Variants in TRAPPC9 observed in about 807,000 individuals in gnomAD.
The protein encoded by TRAPPC9 is IKK2 binding protein.
In TRAPPC9, 83 loss-of-function variants were observed where a neutral mutation model predicts 124.0. The observed-to-expected ratio is 0.67, with a 90% CI of 0.56 to 0.80. TRAPPC9 has a LOEUF of 0.80. Ranked by LOEUF, TRAPPC9 falls within the 30% of genes least tolerant of loss-of-function variation. TRAPPC9 has a pLI of 0.00. For synonymous variants in TRAPPC9, 638 were observed against 617.5 expected, an observed-to-expected ratio of 1.03 and a Z score of -0.49; for missense variants, 1,302 against 1,508.3, an observed-to-expected ratio of 0.86 and a Z score of 2.27.
At chr8:140,023,471 T>G (rs561791759) in intron 18 of TRAPPC9, among the ~76,000 whole-genome samples, 1 of 152,238 alleles carries the variant, frequency 6.6e-6, no homozygotes, top group East Asian at 1.9e-4. Context: ...TGGGCAGAAA[T>G]GACCTGATGC....
chr8:139,961,513 T>C (rs1835371556), intron 19 of TRAPPC9, among the ~76,000 whole-genome samples: 1 of 124,060 alleles, frequency 8.1e-6, no homozygotes, highest in South Asian at 2.7e-4. Flanking sequence ...AAACTGCAGC[T>C]ATGGAGCCAA....
intron 16 of TRAPPC9, among the ~76,000 whole-genome samples, chr8:140,234,213 G>A (rs928966598): frequency 6.6e-6 from 1 of 152,138 alleles, no homozygotes; most frequent in Non-Finnish European, 1.5e-5. Context: ...CATCTAGGTT[G>A]CACGCTCTTC....
chr8:140,085,286 A>G (rs1387856225), intron 17 of TRAPPC9, among the ~76,000 whole-genome samples: 1 of 150,592 alleles, frequency 6.6e-6, no homozygotes, highest in Non-Finnish European at 1.5e-5. Flanking sequence ...CCCTTATTTT[A>G]CACTTTGGGT....
At chr8:140,148,359 C>T (rs2061492868) in intron 17 of TRAPPC9, among the ~76,000 whole-genome samples, 1 of 152,208 alleles carries the variant, frequency 6.6e-6, no homozygotes, top group Non-Finnish European at 1.5e-5. Flanking sequence ...CTAGACTCGG[C>T]TTAGTTAGCT....
At chr8:140,130,318 G>T (rs185729326) in intron 17 of TRAPPC9, among the ~76,000 whole-genome samples, 1 of 152,310 alleles carries the variant, frequency 6.6e-6, no homozygotes, top group African/African-American at 2.4e-5. Flanking sequence ...CTTCACAGTG[G>T]AGAGGCCGGG....
At chr8:140,152,793 C>A (rs1474827568) in intron 17 of TRAPPC9, among the ~76,000 whole-genome samples, 1 of 152,078 alleles carries the variant, frequency 6.6e-6, no homozygotes, top group South Asian at 2.1e-4. Flanking sequence ...TCTTGCAATT[C>A]TTTTTGTTAG....
chr8:139,852,788 G>A (rs973745827), intron 21 of TRAPPC9, among the ~76,000 whole-genome samples: 5 of 152,212 alleles, frequency 3.3e-5, no homozygotes, highest in African/African-American at 9.7e-5. Flanking sequence ...TGGCAGATGT[G>A]TGTTTCTGAT....
At chr8:139,826,525 T>C (rs1392740859) in intron 21 of TRAPPC9, among the ~76,000 whole-genome samples, 1 of 151,950 alleles carries the variant, frequency 6.6e-6, no homozygotes, top group African/African-American at 2.4e-5. Flanking sequence ...AACGCACAAC[T>C]GAATGAAGAG....
intron 16 of TRAPPC9, among the ~76,000 whole-genome samples, chr8:140,239,041 G>C (rs778860878): frequency 1.3e-5 from 2 of 152,308 alleles, no homozygotes; most frequent in Middle Eastern, 3.4e-3. Flanking sequence ...TGGGAAGAGG[G>C]AGCAGGCCCC....
chr8:140,444,533 G>A (rs1441063572), intron 2 of TRAPPC9, among the ~76,000 whole-genome samples: 1 of 152,094 alleles, frequency 6.6e-6, no homozygotes, highest in East Asian at 1.9e-4. Context: ...AGAAGTGGCA[G>A]CTGCACCTAA....
Position 139,929,731 on chromosome 8 carries a change from T to C in TRAPPC9, c.2811-19431A>G, listed in dbSNP as rs556100568. 3.9e-5 allele frequency among the ~76,000 whole-genome samples: 6 copies of C among 152,314 alleles called. No homozygotes were observed. In the East Asian group the frequency reaches 9.7e-4, roughly 25 times the overall value. ...ACCATGGTGCCATGCACCCGACACA[T>C]AGGTGTGTGGGGAGTGGACTCAGGT... On this transcript the variant is annotated intron_variant, in intron 19 of 22. Coordinates refer to ENST00000438773, the MANE Select transcript of TRAPPC9 (RefSeq NM_001160372.4).
chr8:140,213,094 T>C (rs9801913), intron 17 of TRAPPC9, among the ~76,000 whole-genome samples: 1 of 147,244 alleles, frequency 6.8e-6, no homozygotes. Flanking sequence ...AGTTTTTTTG[T>C]TTTTTTGTTT....
intron 20 of TRAPPC9, among the ~76,000 whole-genome samples, chr8:139,897,296 G>A (rs938911413): frequency 1.3e-5 from 2 of 152,180 alleles, no homozygotes; most frequent in Non-Finnish European, 2.9e-5. Flanking sequence ...GAGGTCCAGG[G>A]GCTGGGGCTA....
chr8:140,080,540 G>A (rs539512657), intron 17 of TRAPPC9, among the ~76,000 whole-genome samples: 1 of 152,302 alleles, frequency 6.6e-6, no homozygotes, highest in Non-Finnish European at 1.5e-5. Flanking sequence ...ACGTGCATAA[G>A]GAGTGAGTCT....
intron 21 of TRAPPC9, among the ~76,000 whole-genome samples, chr8:139,773,900 G>A (rs1031522756): frequency 3.9e-5 from 6 of 152,212 alleles, no homozygotes; most frequent in East Asian, 1.9e-4. Flanking sequence ...CTGTTTTCAC[G>A]GCACGCATGT....
intron 8 of TRAPPC9, among the ~76,000 whole-genome samples, chr8:140,362,974 T>C (rs577009456): frequency 2.0e-5 from 3 of 152,352 alleles, no homozygotes; most frequent in African/African-American, 4.8e-5. Flanking sequence ...TGGCTCAAAG[T>C]GCTCTCCCTA....
chr8:140,426,270 C>G (rs1046421184), intron 5 of TRAPPC9, among the ~76,000 whole-genome samples: 1 of 152,080 alleles, frequency 6.6e-6, no homozygotes, highest in African/African-American at 2.4e-5. Context: ...GAAGGGAGCA[C>G]AAGCCACAAA....
At chr8:139,921,432 A>T (rs1563923400) in intron 19 of TRAPPC9, among the ~76,000 whole-genome samples, 1 of 152,200 alleles carries the variant, frequency 6.6e-6, no homozygotes, top group Non-Finnish European at 1.5e-5. Flanking sequence ...CATGAGAGAG[A>T]TGGACAACAG....
chr8:140,354,546 C>T (rs2067682018), intron 9 of TRAPPC9, among the ~76,000 whole-genome samples: 1 of 152,146 alleles, frequency 6.6e-6, no homozygotes, highest in Non-Finnish European at 1.5e-5. Flanking sequence ...GAGCAGAAGG[C>T]CCCCGATGAT....
Sources: gnomAD v4.1 joint callset for allele counts (sites outside exome capture counted in the v4.1 genomes callset) on GRCh38, gnomAD v4.1.1 for gene constraint, MANE v1.5 for transcripts, NCBI Gene and HGNC (gene_info 2026-07-23, HGNC 2026-07-21) for gene names.